FAM83D: variants seen among roughly 807,000 people sequenced by gnomAD.
FAM83D encodes scaffolding CK1 anchoring protein D.
FAM83D carries 26 observed loss-of-function variants against 25.4 expected under a neutral mutation model. The observed-to-expected ratio is 1.02, with a 90% CI of 0.75 to 1.42. FAM83D has a LOEUF of 1.42. Among genes scored for constraint, FAM83D ranks in the 40% most tolerant of loss-of-function variants. The pLI, the probability that FAM83D is intolerant of heterozygous loss-of-function variation, is 0.00. For synonymous variants in FAM83D, 310 were observed against 318.5 expected (o/e 0.97, Z 0.28); for missense variants, 740 against 758.1 (o/e 0.98, Z 0.28).
At chr20:38,948,074 C>G (rs947424119) in intron 3 of FAM83D, 74 bp downstream of exon 3, 160 of 1,553,268 alleles carry the variant, frequency 1.0e-4, no homozygotes, top group Admixed American at 1.5e-4. Flanking sequence ...AGGTAAAAGC[C>G]TTTTCCTCTC....
At chr20:38,946,844 G>C (rs2085730558) in intron 2 of FAM83D, among the ~76,000 whole-genome samples, 1 of 152,156 alleles carries the variant, frequency 6.6e-6, no homozygotes, top group Non-Finnish European at 1.5e-5. Flanking sequence ...GTTTTTGTCT[G>C]TTATGAATAA....
At chr20:38,935,496 G>T (rs1439800695) in intron 1 of FAM83D, among the ~76,000 whole-genome samples, 1 of 152,224 alleles carries the variant, frequency 6.6e-6, no homozygotes, top group Non-Finnish European at 1.5e-5. Context: ...AGGCTAGAGT[G>T]CAGTGGTGCA....
intron 2 of FAM83D, 46 bp from the exon 3 acceptor site, chr20:38,947,830 T>A: frequency 6.2e-7 from 1 of 1,602,182 alleles, no homozygotes; most frequent in Non-Finnish European, 8.5e-7. Context: ...AGCAGATGAG[T>A]ATTGCTGAAT....
rs746962703 is a variant in FAM83D, at chr20:38,951,551, G to A, written c.789G>A (p.Thr263=). 2.2e-5 allele frequency: 36 copies of A among 1,611,760 alleles called. No individual in the cohort carries two copies. Among genetic ancestry groups the A allele is most frequent in the East Asian group, 6.7e-5 (3 of 44,864 alleles). The change falls in exon 4 of 4, where the codon ACG becomes ACA. Residue 263 remains threonine, a synonymous_variant. Transcript: ENST00000619850. ...VATGSYSFTW[T]DGKLNSSNLV... ...TTTAATCTTTAAGTTTTACATGGAC[G>A]GATGGCAAATTAAACAGCAGTAACT...
At chr20:38,927,044 G>T in intron 1 of FAM83D, 119 bp downstream of exon 1, 2 of 1,379,696 alleles carry the variant, frequency 1.4e-6, no homozygotes, top group Non-Finnish European at 1.9e-6. Context: ...CCGGAAGCGC[G>T]CGCGGGCTAG....
intron 2 of FAM83D, 30 bp downstream of exon 2, chr20:38,942,156 A>G (rs1485812876): frequency 3.7e-6 from 6 of 1,610,972 alleles, no homozygotes; most frequent in African/African-American, 1.3e-5. Flanking sequence ...CAGTTTCACC[A>G]TAGTCAACAA....
chr20:38,952,494 G>A lies in FAM83D; in HGVS notation c.1732G>A (p.Val578Ile), dbSNP rs757009985. The A allele has an allele frequency of 3.7e-6, 6 of 1,613,788 alleles. No individual in the cohort carries two copies. In the East Asian group the frequency reaches 6.7e-5, roughly 18 times the overall value. ...SRVNLLAVRD[V>I]ALYPSYQ ...AGTTAATTTGCTTGCTGTTAGAGAT[G>A]TAGCACTTTATCCTTCCTATCAGTA... The change falls in exon 4 of 4, where the codon GTA becomes ATA. Residue 578 changes from valine to isoleucine, a missense_variant. Around this residue, in one of 3 missense-constraint regions of FAM83D, gnomAD observed 375 missense variants for 403.2 expected, o/e 0.93. Coordinates refer to ENST00000619850, the MANE Select transcript of FAM83D (RefSeq NM_030919.3).
intron 2 of FAM83D, among the ~76,000 whole-genome samples, chr20:38,946,944 A>G (rs1225561896): frequency 6.6e-6 from 1 of 152,180 alleles, no homozygotes; most frequent in East Asian, 1.9e-4. Flanking sequence ...TTCTAAATCA[A>G]TTAGTTTTCT....
At position 38,926,668 on chromosome 20, in the gene FAM83D, G is replaced by C. The variant is rs767219479; in HGVS notation, c.226G>C (p.Gly76Arg). ...CATTCTGCGCGCGGCGGAGAGGCCG[G>C]GAGAGGAGGGCGCGGCGGCGGCGGC... Reference protein sequence around the residue: ...HAILRAAERPGEEGAAAAAAA... With the variant: ...HAILRAAERPREEGAAAAAAA... The change falls in exon 1 of 4, where the codon GGA becomes CGA. Residue 76 changes from glycine (G) to arginine (R), a missense_variant. Coordinates refer to ENST00000619850, the MANE Select transcript of FAM83D (RefSeq NM_030919.3). The C allele has an allele frequency of 3.3e-6, 5 of 1,530,026 alleles. No individual in the cohort carries two copies. The Admixed American group carries it at 8.0e-5, about 25-fold the overall frequency. 94.8% of individuals were successfully genotyped at this position (1,530,026 alleles called of 1,614,324 possible). A position where few individuals can be genotyped will look rare whatever the true frequency, so the allele number is the denominator to read the frequency against.
At chr20:38,950,399 T>C (rs549942957) in intron 3 of FAM83D, among the ~76,000 whole-genome samples, 1 of 152,104 alleles carries the variant, frequency 6.6e-6, no homozygotes, top group Non-Finnish European at 1.5e-5. Flanking sequence ...CAGGTGGGTG[T>C]GAGTTCTGCT....
At chr20:38,939,341 G>A (rs1016769442) in intron 1 of FAM83D, among the ~76,000 whole-genome samples, 7 of 114,046 alleles carry the variant, frequency 6.1e-5, no homozygotes, top group African/African-American at 1.0e-4. Flanking sequence ...CCTTGTTTTT[G>A]TTTTGTTTTG....
In FAM83D at chr20:38,951,978, G is replaced by A. The variant is rs758554692; in HGVS notation, c.1216G>A (p.Glu406Lys). 6.2e-7 allele frequency: 1 copy of A among 1,614,208 alleles called. No individual in the cohort carries two copies. The highest frequency in any genetic ancestry group is 8.5e-7 in the Non-Finnish European group (1 of 1,180,042). ...GEEMPGLSVS[E>K]VGTQTSITTA... ...GGAGATGCCAGGGCTGAGTGTGAGT[G>A]AGGTGGGAACACAAACCAGCATCAC... Residue 406 changes from glutamate (E) to lysine (K), a missense_variant, in exon 4 of 4, where the codon GAG (glutamate) becomes AAG (lysine). By Grantham distance (56) the Glu-to-Lys change is moderately conservative. Coordinates refer to ENST00000619850, the MANE Select transcript of FAM83D (RefSeq NM_030919.3).
chr20:38,951,835 G>T lies in FAM83D; in HGVS notation c.1073G>T (p.Arg358Leu). 3 of 1,614,158 alleles carry T rather than the reference G, an allele frequency of 1.9e-6. No individual in the cohort carries two copies. The highest frequency in any genetic ancestry group is 2.5e-6 in the Non-Finnish European group (3 of 1,180,030). Residue 358 changes from arginine (R) to leucine (L), a missense_variant, in exon 4 of 4, where the codon CGC (arginine) becomes CTC (leucine). Physicochemically the swap from Arg to Leu is moderately radical, Grantham distance 102. Transcript: ENST00000619850. ...PEMPAEGKAE[R>L]KPHDCESSTV... Reference sequence around the variant, plus strand: ...ATGCCCGCAGAGGGCAAGGCAGAGCGCAAGCCCCATGACTGTGAGTCCTCT... The same window carrying T: ...ATGCCCGCAGAGGGCAAGGCAGAGCTCAAGCCCCATGACTGTGAGTCCTCT...
At position 38,926,464 on chromosome 20, in the gene FAM83D, C is replaced by T. The variant is rs756093327; in HGVS notation, c.22C>T (p.Leu8=). 2 of 1,598,244 alleles carry T rather than the reference C, an allele frequency of 1.3e-6. No individual in the cohort carries two copies. Among genetic ancestry groups the T allele is most frequent in the East Asian group, 2.2e-5 (1 of 44,688 alleles). MALLSEG[L]DEVPAACLSP... ...CGCCATGGCTCTGCTGTCCGAGGGC[C>T]TGGACGAGGTGCCCGCCGCCTGCCT... Residue 8 remains leucine (L), a synonymous_variant, in exon 1 of 4, where the codon CTG becomes TTG. Transcript: ENST00000619850.
chr20:38,948,058 A>G (rs1270550530), intron 3 of FAM83D, 58 bp downstream of exon 3: 4 of 1,593,072 alleles, frequency 2.5e-6, no homozygotes, highest in African/African-American at 1.4e-5. Flanking sequence ...GAAGCATGTC[A>G]TGTAAAGGTA....
Position 38,952,306 on chromosome 20 carries a change from A to C in FAM83D, c.1544A>C (p.His515Pro), listed in dbSNP as rs985755742. The C allele has an allele frequency of 3.1e-6, 5 of 1,613,946 alleles. No individual in the cohort carries two copies. Among genetic ancestry groups the C allele is most frequent in the Non-Finnish European group, 4.2e-6 (5 of 1,180,026 alleles). ...TATCCCAAGTACCTGGGCACCCCCC[A>C]CCTGGAACTGTACTTGAGTGACTCA... ...PGYPKYLGTP[H>P]LELYLSDSLR... The change falls in exon 4 of 4, where the codon CAC becomes CCC. Residue 515 changes from histidine to proline, a missense_variant. Around this residue, in one of 3 missense-constraint regions of FAM83D, gnomAD observed 375 missense variants for 403.2 expected, o/e 0.93. Coordinates refer to ENST00000619850, the MANE Select transcript of FAM83D (RefSeq NM_030919.3).
In FAM83D at chr20:38,941,959, G is replaced by T; in HGVS notation, c.484G>T (p.Val162Leu). 1 of 1,613,794 alleles carries T rather than the reference G, an allele frequency of 6.2e-7. No homozygotes were observed. The highest frequency in any genetic ancestry group is 8.5e-7 in the Non-Finnish European group (1 of 1,180,028). Reference sequence around the variant, plus strand: ...GTGCTCTTCCCTGTTTCACCTGTAGGTGATTGCAGTGGTCATGGACGTGTT... The same window carrying T: ...GTGCTCTTCCCTGTTTCACCTGTAGTTGATTGCAGTGGTCATGGACGTGTT... Reference protein sequence around the residue: ...LRQQLRSAREVIAVVMDVFTD... With the variant: ...LRQQLRSARELIAVVMDVFTD... The change falls in exon 2 of 4, where the codon GTG becomes TTG. Residue 162 changes from valine to leucine, a missense_variant and splice_region_variant. Around this residue, in one of 3 missense-constraint regions of FAM83D, gnomAD observed 333 missense variants for 298.6 expected, o/e 1.12. Coordinates refer to ENST00000619850, the MANE Select transcript of FAM83D (RefSeq NM_030919.3).
At chr20:38,943,686 TTTG>T (rs1161804494) in intron 2 of FAM83D, among the ~76,000 whole-genome samples, 1 of 152,184 alleles carries the variant, frequency 6.6e-6, no homozygotes, top group African/African-American at 2.4e-5. Context: ...AATTTGTTTT[TTTG>T]TTGTTGTTGT....
intron 3 of FAM83D, among the ~76,000 whole-genome samples, chr20:38,949,958 A>G (rs552593734): frequency 6.6e-6 from 1 of 152,298 alleles, no homozygotes; most frequent in South Asian, 2.1e-4. Context: ...AGCTGGGACT[A>G]CAGGCGCCCG....
Sources: allele counts gnomAD v4.1 joint callset (sites outside exome capture counted in the v4.1 genomes callset), GRCh38; gene constraint gnomAD v4.1.1; regional missense constraint gnomAD v4.1.1; transcripts MANE v1.5; gene names NCBI Gene and HGNC (gene_info 2026-07-23, HGNC 2026-07-21).